The following UTP4 variants were observed in gnomAD, a reference collection of about 807,000 sequenced individuals.
UTP4 encodes the protein U3 small nucleolar RNA-associated protein 4 homolog.
UTP4 carries 45 observed loss-of-function variants against 82.4 expected under a neutral mutation model. The observed-to-expected ratio is 0.55, with a 90% CI of 0.43 to 0.70. The LOEUF is 0.70. Ranked by LOEUF, UTP4 falls within the 30% of genes least tolerant of loss-of-function variation. The probability of loss-of-function intolerance (pLI) is 0.00; values close to 1 mark genes in which losing one functional copy is unlikely to be tolerated. For missense variants in UTP4, 819 were observed against 858.3 expected (o/e 0.95, Z 0.57); for synonymous variants, 348 against 300.3 (o/e 1.16, Z -1.64).
At chr16:69,139,796 C>CT (rs754436221) in intron 4 of UTP4, 29 bp from the exon 5 acceptor site, 19 of 1,496,156 alleles carry the variant, frequency 1.3e-5, no homozygotes, top group Non-Finnish European at 1.8e-5. Context: ...GTGTATGTCA[C>CT]TTTCTTTTTT....
At chr16:69,144,377 T>C (rs1963053570) in intron 6 of UTP4, among the ~76,000 whole-genome samples, 4 of 151,228 alleles carry the variant, frequency 2.6e-5, no homozygotes. Context: ...TTTTATATGT[T>C]TAGGCTTTCA....
chr16:69,134,849 C>T (rs547107664), intron 2 of UTP4, among the ~76,000 whole-genome samples: 72 of 151,166 alleles, frequency 4.8e-4, no homozygotes, highest in South Asian at 1.5e-3. Context: ...CACCATGCCT[C>T]GCTAATTTTT....
chr16:69,135,646 GT>G (rs1298554015), intron 2 of UTP4, among the ~76,000 whole-genome samples: 1 of 152,150 alleles, frequency 6.6e-6, no homozygotes, highest in African/African-American at 2.4e-5. Context: ...AGCTCAGGAG[GT>G]TGAGGCTACA....
intron 12 of UTP4, among the ~76,000 whole-genome samples, 160 bp from the exon 13 acceptor site, chr16:69,160,195 GA>G: frequency 6.6e-6 from 1 of 152,290 alleles, no homozygotes; most frequent in East Asian, 1.9e-4. Context: ...GAAAAAAGTA[GA>G]AACATTAACA....
chr16:69,153,779 A>T, intron 9 of UTP4, 99 bp downstream of exon 9: 1 of 806,178 alleles, frequency 1.2e-6, no homozygotes, highest in Non-Finnish European at 2.1e-6. Context: ...ACTGAAGTAG[A>T]CTTTTGTGTC....
chr16:69,138,533 C>G (rs922554816), intron 4 of UTP4, among the ~76,000 whole-genome samples: 2 of 152,218 alleles, frequency 1.3e-5, no homozygotes, highest in African/African-American at 4.8e-5. Flanking sequence ...GCCACTTGCC[C>G]TGGCCAAGGA....
rs1962851125 is a variant in UTP4, at chr16:69,137,850, A to G, written c.401A>G (p.Lys134Arg). 1 of 1,613,354 alleles carries G rather than the reference A, an allele frequency of 6.2e-7. No individual in the cohort carries two copies. The highest frequency in any genetic ancestry group is 8.5e-7 in the Non-Finnish European group (1 of 1,179,294). ...SVKLFQITPD[K>R]IQFERNFDRQ... is the part of the protein sequence containing the mutation. ...AAACTATTTCAAATTACCCCAGACA[A>G]AATCCAGTTTGAAAGAAATTTTGAT... Residue 134 changes from lysine (K) to arginine (R), a missense_variant, in exon 4 of 17, where the codon AAA becomes AGA. Lys to Arg is a conservative substitution (Grantham distance 26). Coordinates refer to ENST00000314423, the MANE Select transcript of UTP4 (RefSeq NM_032830.3).
chr16:69,138,228 TTTC>T (rs1962862490), intron 4 of UTP4, among the ~76,000 whole-genome samples: 1 of 141,174 alleles, frequency 7.1e-6, no homozygotes, highest in African/African-American at 2.7e-5. Context: ...CTATGGTTCT[TTTC>T]TTTCTTTTTT....
chr16:69,155,255 C>T (rs1279144649), intron 10 of UTP4, among the ~76,000 whole-genome samples: 1 of 152,002 alleles, frequency 6.6e-6, no homozygotes, highest in African/African-American at 2.4e-5. Context: ...CTCACTGCAG[C>T]CTCAACCTCC....
chr16:69,166,933 C>T, intron 15 of UTP4, 142 bp from the exon 16 acceptor site: 8 of 656,680 alleles, frequency 1.2e-5, no homozygotes, highest in South Asian at 1.8e-5. Context: ...CAGCTGTTTT[C>T]CCGAATTAAC....
At chr16:69,166,782 C>A in intron 15 of UTP4, 1 of 396,926 alleles carries the variant, frequency 2.5e-6, no homozygotes, top group Non-Finnish European at 4.6e-6. Flanking sequence ...GATCTTGCTG[C>A]ATGGAGTTAA....
At chr16:69,146,384 C>T (rs984258872) in intron 6 of UTP4, among the ~76,000 whole-genome samples, 1 of 152,150 alleles carries the variant, frequency 6.6e-6, no homozygotes, top group Non-Finnish European at 1.5e-5. Context: ...TTGCTTATAA[C>T]ATTTGTTATT....
chr16:69,153,466 T>C (rs1372565029), intron 8 of UTP4, 118 bp from the exon 9 acceptor site: 7 of 747,050 alleles, frequency 9.4e-6, no homozygotes, highest in South Asian at 1.5e-5. Flanking sequence ...TAGGAAATAT[T>C]TATCAAGGAA....
At chr16:69,151,404 C>A (rs1314669658) in intron 8 of UTP4, among the ~76,000 whole-genome samples, 2 of 150,994 alleles carry the variant, frequency 1.3e-5, no homozygotes, top group Admixed American at 6.6e-5. Context: ...TCACTGCAAG[C>A]TCCGCCTCCC....
intron 16 of UTP4, among the ~76,000 whole-genome samples, chr16:69,168,057 C>G (rs774278147): frequency 1.3e-5 from 2 of 151,846 alleles, no homozygotes; most frequent in African/African-American, 2.4e-5. Flanking sequence ...AACATTGATT[C>G]TTGAGATATA....
intron 8 of UTP4, 30 bp from the exon 9 acceptor site, chr16:69,153,553 AT>A: frequency 1.9e-6 from 3 of 1,557,120 alleles, no homozygotes; most frequent in Non-Finnish European, 2.7e-6. Context: ...ACCCTGACTT[AT>A]TTTTTTAACT....
At chr16:69,158,582 T>A (rs1426173401) in intron 12 of UTP4, among the ~76,000 whole-genome samples, 3 of 152,176 alleles carry the variant, frequency 2.0e-5, no homozygotes, top group Non-Finnish European at 4.4e-5. Context: ...CTATATATGT[T>A]TTTATTACAA....
At chr16:69,150,993 C>A in intron 8 of UTP4, 89 bp downstream of exon 8, 2 of 1,013,434 alleles carry the variant, frequency 2.0e-6, no homozygotes, top group Non-Finnish European at 3.0e-6. Flanking sequence ...AGCTCACGCT[C>A]GGCAAATTTG....
intron 13 of UTP4, 66 bp downstream of exon 13, chr16:69,160,528 C>T (rs1963536476): frequency 8.8e-7 from 1 of 1,132,274 alleles, no homozygotes; most frequent in Non-Finnish European, 1.4e-6. Context: ...CCTGCAGTTA[C>T]AAGATTCAAG....
Sources: allele counts gnomAD v4.1 joint callset (sites outside exome capture counted in the v4.1 genomes callset), GRCh38; gene constraint gnomAD v4.1.1; transcripts MANE v1.5; gene names NCBI Gene and HGNC (gene_info 2026-07-23, HGNC 2026-07-21).